Variants in DPP6 observed in about 807,000 individuals in gnomAD.
The protein encoded by DPP6 is dipeptidyl peptidase like 6.
In DPP6, 69 loss-of-function variants were observed where a neutral mutation model predicts 122.6. That is an observed-to-expected ratio of 0.56 (90% CI 0.46 to 0.69). The LOEUF (loss-of-function observed/expected upper bound fraction) is 0.69. DPP6 is among the 30% of genes least tolerant of loss of function. The pLI, the probability that DPP6 is intolerant of heterozygous loss-of-function variation, is 0.00. For synonymous variants in DPP6, 418 were observed against 433.1 expected (o/e 0.97, Z 0.43); for missense variants, 928 against 1,116.9 (o/e 0.83, Z 2.41).
chr7:153,783,921 A>G, the DPP6 span, among the ~76,000 whole-genome samples: 15 of 152,240 alleles, frequency 9.9e-5, no homozygotes, highest in Admixed American at 3.9e-4. Flanking sequence ...TTCATACATT[A>G]GAATACTGCA....
intron 1 of DPP6, among the ~76,000 whole-genome samples, chr7:154,423,896 CAAAG>C (rs1445416248): frequency 6.6e-6 from 1 of 152,160 alleles, no homozygotes; most frequent in African/African-American, 2.4e-5. Flanking sequence ...CTCACAGAGG[CAAAG>C]AAACATAGAG....
chr7:154,357,139 T>C (rs1369276017), intron 1 of DPP6, among the ~76,000 whole-genome samples: 2 of 152,002 alleles, frequency 1.3e-5, no homozygotes, highest in African/African-American at 4.8e-5. Flanking sequence ...AGCTGACCTA[T>C]AGTAAAAGCA....
At chr7:154,879,158 G>A (rs1805130431) in intron 20 of DPP6, among the ~76,000 whole-genome samples, 4 of 152,190 alleles carry the variant, frequency 2.6e-5, no homozygotes, top group Admixed American at 2.0e-4. Flanking sequence ...TTAAAAGACT[G>A]GGGGCTGGGC....
At chr7:154,667,799 A>G (rs539952667) in intron 6 of DPP6, among the ~76,000 whole-genome samples, 6 of 152,222 alleles carry the variant, frequency 3.9e-5, no homozygotes, top group African/African-American at 1.2e-4. Context: ...ACTCGCTTGC[A>G]TCTTCCGATC....
intron 16 of DPP6, chr7:154,838,981 C>A (rs1801302088): frequency 6.6e-6 from 1 of 152,198 alleles, no homozygotes; most frequent in Non-Finnish European, 1.5e-5. Context: ...AAGGGTCTTC[C>A]ACTAACCCTC....
the DPP6 span, among the ~76,000 whole-genome samples, chr7:153,846,871 T>A: frequency 6.6e-6 from 1 of 151,218 alleles, no homozygotes; most frequent in Non-Finnish European, 1.5e-5. Flanking sequence ...TTCTTTGTAT[T>A]TTTTTTTAGT....
intron 18 of DPP6, among the ~76,000 whole-genome samples, chr7:154,869,940 C>T (rs1017032531): frequency 2.1e-5 from 3 of 145,268 alleles, no homozygotes; most frequent in East Asian, 4.1e-4. Flanking sequence ...GGGGCATGAA[C>T]GAAATGAGTA....
chr7:154,365,325 G>C (rs1812061607), intron 1 of DPP6, among the ~76,000 whole-genome samples: 1 of 152,170 alleles, frequency 6.6e-6, no homozygotes, highest in South Asian at 2.1e-4. Flanking sequence ...CAATTTTAAT[G>C]AACCACAATC....
chr7:153,983,212 G>A (rs71530430), intron 1 of DPP6, among the ~76,000 whole-genome samples: 27,531 of 152,204 alleles, frequency 0.18, 2,896 homozygotes, highest in East Asian at 0.36. Flanking sequence ...CCCCTGACTG[G>A]GGCTGCTGCC....
intron 7 of DPP6, among the ~76,000 whole-genome samples, chr7:154,686,095 G>A (rs1311639947): frequency 3.9e-4 from 2 of 5,078 alleles, no homozygotes; most frequent in Non-Finnish European, 8.0e-3. Flanking sequence ...CACCATGCTA[G>A]GCACTCAGTG....
In DPP6 at chr7:153,979,732, T is replaced by G. The variant is rs139016374; in HGVS notation, c.51+91998T>G. 1.0e-2 allele frequency among the ~76,000 whole-genome samples: 1,520 copies of G among 152,306 alleles called. 36 individuals are homozygous for G. Among genetic ancestry groups the G allele is most frequent in the African/African-American group, 0.034 (1,413 of 41,560 alleles). On this transcript the variant is annotated intron_variant, in intron 1 of 25. Transcript: ENST00000404039. ...GAGATACGTCCCATCAATACCTAGT[T>G]TATTGAGTGTTTTTAGCATGAGGGG...
intron 1 of DPP6, among the ~76,000 whole-genome samples, chr7:154,430,236 T>A (rs1818249805): frequency 6.6e-6 from 1 of 152,198 alleles, no homozygotes; most frequent in South Asian, 2.1e-4. Flanking sequence ...GGGGTTAGTT[T>A]AATGATGCAA....
intron 1 of DPP6, among the ~76,000 whole-genome samples, chr7:154,054,134 A>G (rs1164011362): frequency 6.6e-6 from 1 of 151,660 alleles, no homozygotes; most frequent in East Asian, 1.9e-4. Context: ...GAGTTTCACA[A>G]CTGCTCAACC....
At chr7:154,781,805 G>T (rs1797048006) in intron 10 of DPP6, among the ~76,000 whole-genome samples, 1 of 152,154 alleles carries the variant, frequency 6.6e-6, no homozygotes, top group Admixed American at 6.5e-5. Flanking sequence ...AGATAAACCA[G>T]CTTTGTTCCC....
chr7:153,852,852 T>G, the DPP6 span, among the ~76,000 whole-genome samples: 3 of 152,212 alleles, frequency 2.0e-5, no homozygotes, highest in Non-Finnish European at 4.4e-5. Context: ...TTTTTTGATT[T>G]TCACACACCA....
At chr7:153,902,377 C>T (rs570407333) in intron 1 of DPP6, among the ~76,000 whole-genome samples, 3 of 152,292 alleles carry the variant, frequency 2.0e-5, no homozygotes, top group Non-Finnish European at 2.9e-5. Flanking sequence ...AAAGTGTCCA[C>T]CGATGTTAGG....
At chr7:154,089,830 G>A (rs1408498257) in intron 1 of DPP6, among the ~76,000 whole-genome samples, 1 of 151,970 alleles carries the variant, frequency 6.6e-6, no homozygotes, top group Non-Finnish European at 1.5e-5. Context: ...ATCATTATCA[G>A]TAGCAGATTT....
intron 16 of DPP6, among the ~76,000 whole-genome samples, chr7:154,837,109 A>G (rs984875861): frequency 9.9e-5 from 15 of 152,112 alleles, no homozygotes; most frequent in Non-Finnish European, 1.9e-4. Context: ...ACCTGCATGC[A>G]CACACACACA....
rs1833622532 is a variant in DPP6, at chr7:154,607,388, C to T, written c.628-30433C>T. ...TCCTGGCTAACACGCTGAAACCCCC[C>T]GTCTCTACTAAAAATACAAAAAATT... On this transcript the variant is annotated intron_variant, in intron 5 of 25. Coordinates refer to ENST00000377770, the MANE Select transcript of DPP6 (RefSeq NM_130797.4). Among the ~76,000 whole-genome samples the T allele has an allele frequency of 1.7e-5, 2 of 115,200 alleles. 1 individual carries two copies. The highest frequency in any genetic ancestry group is 3.9e-5 in the Non-Finnish European group (2 of 51,934). 75.6% of individuals were successfully genotyped at this position (115,200 alleles called of 152,430 possible).
Sources: allele counts gnomAD v4.1 joint callset (sites outside exome capture counted in the v4.1 genomes callset), GRCh38; gene constraint gnomAD v4.1.1; transcripts MANE v1.5; gene names NCBI Gene and HGNC (gene_info 2026-07-23, HGNC 2026-07-21).